Variants in SNX1 observed in about 807,000 individuals in gnomAD.
The protein encoded by SNX1 is sorting nexin-1.
A neutral mutation model predicts 71.8 loss-of-function variants in SNX1; 36 were observed. The ratio of observed to expected loss-of-function variants is 0.50; its 90% CI spans 0.38 to 0.66. SNX1 has a LOEUF of 0.66. SNX1 is among the 30% of genes least tolerant of loss of function. The pLI is 0.00. For synonymous variants in SNX1, 254 were observed against 240.7 expected (o/e 1.06, Z -0.51); for missense variants, 612 against 646.7 (o/e 0.95, Z 0.58).
chr15:64,119,392 G>T (rs2081167866), intron 4 of SNX1, among the ~76,000 whole-genome samples: 1 of 152,042 alleles, frequency 6.6e-6, no homozygotes, highest in South Asian at 2.1e-4. Context: ...AAAGCACCGA[G>T]ATTACAGGCA....
At chr15:64,114,065 C>T (rs141526181) in intron 2 of SNX1, among the ~76,000 whole-genome samples, 27 of 152,218 alleles carry the variant, frequency 1.8e-4, no homozygotes, top group African/African-American at 6.0e-4. Context: ...ATTAATAATT[C>T]GAGTCTGGAT....
At chr15:64,119,487 T>C (rs1353442529) in intron 4 of SNX1, among the ~76,000 whole-genome samples, 1 of 152,084 alleles carries the variant, frequency 6.6e-6, no homozygotes, top group African/African-American at 2.4e-5. Flanking sequence ...CCCAGCACTT[T>C]GGGAGGCCAA....
At chr15:64,124,176 A>ATATATATATATATATATATG (rs1567327094) in intron 5 of SNX1, among the ~76,000 whole-genome samples, 2 of 119,128 alleles carry the variant, frequency 1.7e-5, no homozygotes, top group African/African-American at 5.8e-5. Context: ...ATATATATAT[A>ATATATATATATATATATATG]TATGACTGTT....
chr15:64,129,944 T>G lies in SNX1; in HGVS notation c.836T>G (p.Leu279Trp). 6.2e-7 allele frequency: 1 copy of G among 1,614,086 alleles called. No individual in the cohort carries two copies. ...CCACGTGCCGTGGGTACCCAGACAT[T>G]GAGTGGTGCTGGTCTCCTCAAGATG... ...ELPRAVGTQT[L>W]SGAGLLKMFN... The change falls in exon 9 of 15, where the codon TTG (leucine) becomes TGG (tryptophan). Residue 279 changes from leucine (L) to tryptophan (W), a missense_variant. By Grantham distance (61) the Leu-to-Trp change is moderately conservative. Transcript: ENST00000559844. The surrounding 1 kb of genome is among the most constrained non-coding windows in gnomAD (Gnocchi z 4.4).
chr15:64,096,100 CG>C lies in SNX1; in HGVS notation c.92del (p.Gly31AspfsTer31). 3 of 1,565,542 alleles carry C rather than the reference CG, an allele frequency of 1.9e-6. No homozygotes were observed. Among genetic ancestry groups the C allele is most frequent in the East Asian group, 4.7e-5 (2 of 42,786 alleles). On this transcript the variant is annotated frameshift_variant, in exon 1 of 15. Transcript: ENST00000559844. LOFTEE classifies it high-confidence loss of function. ...TGGAGCCGGAGTCCGAGGGGGCGGCCGGGGGATCAGAACCCGAGGCTGGGGA... is the reference window on the plus strand; with the variant it reads ...TGGAGCCGGAGTCCGAGGGGGCGGCCGGGGATCAGAACCCGAGGCTGGGGA... ...GLEPESEGAA[G>X]GSEPEAGDSD...
intron 1 of SNX1, among the ~76,000 whole-genome samples, chr15:64,108,098 C>T (rs1282631696): frequency 1.3e-5 from 2 of 151,240 alleles, no homozygotes; most frequent in East Asian, 1.9e-4. Flanking sequence ...GAGGCTGAGG[C>T]AGGAGAACGG....
In SNX1 at chr15:64,134,836, G is replaced by C; in HGVS notation, c.1365+29G>C. 6.2e-7 allele frequency: 1 copy of C among 1,612,186 alleles called. No homozygotes were observed. Among genetic ancestry groups the C allele is most frequent in the Non-Finnish European group, 8.5e-7 (1 of 1,179,342 alleles). On this transcript the variant is annotated intron_variant, in intron 12 of 14. Transcript: ENST00000559844. The surrounding 1 kb of genome is among the most constrained non-coding windows in gnomAD (Gnocchi z 4.1). ...AGTCCACTGAGGCAGCCCAGCCAGGGGTGTTCTGCTGGTTCCAAATGAACC... is the reference window on the plus strand; with the variant it reads ...AGTCCACTGAGGCAGCCCAGCCAGGCGTGTTCTGCTGGTTCCAAATGAACC...
chr15:64,106,115 T>C (rs1276862970), intron 1 of SNX1, among the ~76,000 whole-genome samples: 1 of 152,144 alleles, frequency 6.6e-6, no homozygotes, highest in Non-Finnish European at 1.5e-5. Flanking sequence ...AAAACCATAA[T>C]CTCATATAAA....
Position 64,138,224 on chromosome 15 carries a change from C to A in SNX1, c.*606C>A. 2 of 1,493,352 alleles carry A rather than the reference C, an allele frequency of 1.3e-6. No individual in the cohort carries two copies. Among genetic ancestry groups the A allele is most frequent in the Non-Finnish European group, 1.8e-6 (2 of 1,131,514 alleles). 92.5% of individuals were successfully genotyped at this position (1,493,352 alleles called of 1,614,324 possible). A position where few individuals can be genotyped will look rare whatever the true frequency, so the allele number is the denominator to read the frequency against. ...GGTCTCAATCTGTTTCGTATTCCCA[C>A]TTCTTTAGGGAAGGAGTTTTAAAAA... On this transcript the variant is annotated 3_prime_UTR_variant, in exon 15 of 15. Coordinates refer to ENST00000559844, the MANE Select transcript of SNX1 (RefSeq NM_003099.5).
At position 64,134,741 on chromosome 15, in the gene SNX1, C is replaced by T. The variant is rs375501501; in HGVS notation, c.1299C>T (p.Ala433=). Residue 433 remains alanine, a synonymous_variant, in exon 12 of 15, where the codon GCC becomes GCT. Coordinates refer to ENST00000559844, the MANE Select transcript of SNX1 (RefSeq NM_003099.5). This position sits in a 1 kb window ranked among gnomAD's most constrained non-coding sequence, Gnocchi z 4.1. ...CCACACTGCAGAAGAAGCGGGAGGC[C>T]GAGGCTCGGCTGCTGTGGGCCAACA... is the stretch of plus-strand genomic sequence containing the variant. ...AQATLQKKRE[A]EARLLWANKP... is the part of the protein sequence containing the mutation. The T allele has an allele frequency of 5.5e-5, 88 of 1,613,942 alleles. No homozygotes were observed. The highest frequency in any genetic ancestry group is 4.5e-4 in the East Asian group (20 of 44,886).
At chr15:64,102,561 C>G (rs1471717831) in intron 1 of SNX1, among the ~76,000 whole-genome samples, 1 of 152,114 alleles carries the variant, frequency 6.6e-6, no homozygotes, top group Non-Finnish European at 1.5e-5. Flanking sequence ...CTGGGAATCA[C>G]CATTGTACCC....
At chr15:64,104,280 T>G (rs2080994634) in intron 1 of SNX1, among the ~76,000 whole-genome samples, 1 of 150,348 alleles carries the variant, frequency 6.7e-6, no homozygotes, top group Non-Finnish European at 1.5e-5. Flanking sequence ...GGGTTTTTTT[T>G]TTTTTTTTTT....
In SNX1 at chr15:64,118,780, T is replaced by C. The variant is rs2081160111; in HGVS notation, c.400-8T>C. On this transcript the variant is annotated splice_polypyrimidine_tract_variant and splice_region_variant and intron_variant, in intron 3 of 14. Transcript: ENST00000559844. ...TCAACTCTCATGATTTGTCTTTTCT[T>C]GAAAAAGCTAGAGGAAGAAGAACAG... is the stretch of plus-strand genomic sequence containing the variant. 6.2e-7 allele frequency: 1 copy of C among 1,610,966 alleles called. No homozygotes were observed. The highest frequency in any genetic ancestry group is 1.1e-5 in the South Asian group (1 of 90,872).
intron 9 of SNX1, 53 bp downstream of exon 9, chr15:64,130,082 G>T: frequency 2.0e-6 from 3 of 1,489,710 alleles, no homozygotes; most frequent in East Asian, 2.3e-5. Flanking sequence ...TTATGGGTCA[G>T]AACCCCTAAG....
chr15:64,128,923 C>T (rs2081279689), intron 8 of SNX1, among the ~76,000 whole-genome samples: 1 of 152,072 alleles, frequency 6.6e-6, no homozygotes, highest in African/African-American at 2.4e-5. Flanking sequence ...TGCCAAATGT[C>T]CCCTAGGAAG....
chr15:64,137,632 C>T lies in SNX1; in HGVS notation c.*14C>T, dbSNP rs2140164540. 6.2e-7 allele frequency: 1 copy of T among 1,614,174 alleles called. No individual in the cohort carries two copies. Among genetic ancestry groups the T allele is most frequent in the East Asian group, 2.2e-5 (1 of 44,876 alleles). On this transcript the variant is annotated 3_prime_UTR_variant, in exon 15 of 15. Coordinates refer to ENST00000559844, the MANE Select transcript of SNX1 (RefSeq NM_003099.5). ...GCCATCTCCTAATGGACCAAGGACC[C>T]CAGAGCCCACCTGTGTGACGCTGCC...
chr15:64,136,787 C>A, intron 13 of SNX1, 74 bp from the exon 14 acceptor site: 2 of 1,110,274 alleles, frequency 1.8e-6, no homozygotes, highest in South Asian at 1.3e-5. Flanking sequence ...TGGCCTTGGT[C>A]AGCAATAAAC....
At position 64,141,140 on chromosome 15, in the gene SNX1, A is replaced by T. The variant is rs2081410937; in HGVS notation, c.*3522A>T. 1 of 152,266 alleles carries T rather than the reference A, an allele frequency of 6.6e-6. No individual in the cohort carries two copies. The highest frequency in any genetic ancestry group is 1.5e-5 in the Non-Finnish European group (1 of 68,050). The allele number at this position is 152,266 out of a possible 1,614,324, so 9.4% of individuals were successfully genotyped here. A position where few individuals can be genotyped will look rare whatever the true frequency, so the allele number is the denominator to read the frequency against. ...GAATTCACACTGATGCTTTGAGACC[A>T]GCCCTGTAGGTTTATTCCAGTCTGC... On this transcript the variant is annotated 3_prime_UTR_variant, in exon 15 of 15. Transcript: ENST00000559844. The surrounding 1 kb of genome is among the most constrained non-coding windows in gnomAD (Gnocchi z 5.1).
intron 8 of SNX1, 44 bp downstream of exon 8, chr15:64,127,850 C>G: frequency 2.7e-6 from 4 of 1,470,016 alleles, no homozygotes; most frequent in Middle Eastern, 1.7e-4. Flanking sequence ...TATATCTGCC[C>G]CTAGTGAAAC....
Sources: gnomAD v4.1 joint callset for allele counts (sites outside exome capture counted in the v4.1 genomes callset) on GRCh38, gnomAD v4.1.1 for gene constraint, Gnocchi (gnomAD v3.1) non-coding constraint, MANE v1.5 for transcripts, NCBI Gene and HGNC (gene_info 2026-07-23, HGNC 2026-07-21) for gene names.